Variants in LLGL2 observed in about 807,000 individuals in gnomAD.
LLGL2 encodes LLGL scribble cell polarity complex component 2.
Under a neutral mutation model 123.2 loss-of-function variants are expected in LLGL2, and 81 were observed. The ratio of observed to expected loss-of-function variants is 0.66; its 90% CI spans 0.55 to 0.79. The LOEUF is 0.79. Ranked by LOEUF, LLGL2 falls within the 30% of genes least tolerant of loss-of-function variation. The pLI is 0.00. For synonymous variants in LLGL2, 577 were observed against 594.1 expected, an observed-to-expected ratio of 0.97 and a Z score of 0.42; for missense variants, 1,273 against 1,414.6, an observed-to-expected ratio of 0.90 and a Z score of 1.61.
chr17:75,547,365 C>G (rs958612364), intron 2 of LLGL2, among the ~76,000 whole-genome samples: 1 of 152,236 alleles, frequency 6.6e-6, no homozygotes, highest in African/African-American at 2.4e-5. Flanking sequence ...GCCACATGAC[C>G]TGGGTCTAGA....
chr17:75,557,599 C>T (rs3851023), intron 3 of LLGL2, among the ~76,000 whole-genome samples: 2 of 152,220 alleles, frequency 1.3e-5, no homozygotes, highest in South Asian at 4.1e-4. Flanking sequence ...CCTCCCTCTT[C>T]CCCTCTGCCC....
intron 2 of LLGL2, 53 bp downstream of exon 2, chr17:75,543,554 C>G: frequency 6.8e-7 from 1 of 1,471,426 alleles, no homozygotes; most frequent in Non-Finnish European, 9.4e-7. Flanking sequence ...CCAAGCAGCT[C>G]AGGCTGGGGC....
chr17:75,530,376 CGCGGT>C (rs917505901), intron 1 of LLGL2, among the ~76,000 whole-genome samples: 6 of 151,960 alleles, frequency 3.9e-5, no homozygotes, highest in African/African-American at 1.4e-4. Context: ...ATCAGCCAGG[CGCGGT>C]GTCTCACGCC....
At chr17:75,529,203 T>C (rs546230591) in intron 1 of LLGL2, among the ~76,000 whole-genome samples, 1 of 150,626 alleles carries the variant, frequency 6.6e-6, no homozygotes, top group Non-Finnish European at 1.5e-5. Context: ...AGTCCTTTTC[T>C]TTTTTTTTCT....
chr17:75,571,211 T>G (rs1598634822), intron 17 of LLGL2, 111 bp downstream of exon 17: 1 of 1,066,586 alleles, frequency 9.4e-7, no homozygotes, highest in Non-Finnish European at 1.4e-6. Context: ...AGCTAAGAGG[T>G]TTCCCCTTGT....
rs138074005 is a variant in LLGL2 at position 75,559,364 on chromosome 17, C to T, written c.484C>T (p.Arg162Cys). ...GTTTGTGGTGCAGCTGCCAGCTTTTCGTGCGCTGGAGGACCGGACCATCAG... is the reference window on the plus strand; with the variant it reads ...GTTTGTGGTGCAGCTGCCAGCTTTTTGTGCGCTGGAGGACCGGACCATCAG... ...NVFVVQLPAF[R>C]ALEDRTISSD... The change falls in exon 6 of 26, where the codon CGT (arginine) becomes TGT (cysteine). Residue 162 changes from arginine (R) to cysteine (C), a missense_variant. Arg to Cys is a radical substitution (Grantham distance 180). Coordinates refer to ENST00000392550, the MANE Select transcript of LLGL2 (RefSeq NM_001031803.2). The surrounding 1 kb of genome is among the most constrained non-coding windows in gnomAD (Gnocchi z 4.6). 1.9e-5 allele frequency: 31 copies of T among 1,613,236 alleles called. No homozygotes were observed. Among genetic ancestry groups the T allele is most frequent in the Non-Finnish European group, 2.5e-5 (29 of 1,179,942 alleles).
chr17:75,552,148 T>G (rs2054704477), intron 2 of LLGL2, among the ~76,000 whole-genome samples: 1 of 151,930 alleles, frequency 6.6e-6, no homozygotes, highest in African/African-American at 2.4e-5. Flanking sequence ...GTCTAGAAGC[T>G]GCATTATGAA....
At chr17:75,536,452 C>T (rs560032005) in intron 1 of LLGL2, among the ~76,000 whole-genome samples, 6 of 152,218 alleles carry the variant, frequency 3.9e-5, no homozygotes, top group Non-Finnish European at 8.8e-5. Context: ...CACAGCTAGT[C>T]CCACCTGCCT....
intron 1 of LLGL2, among the ~76,000 whole-genome samples, chr17:75,527,844 A>G (rs989928669): frequency 6.9e-6 from 1 of 145,380 alleles, no homozygotes; most frequent in South Asian, 2.2e-4. Context: ...TGGTGCAATC[A>G]CTGGGAGATG....
Position 75,569,527 on chromosome 17 carries a change from G to C in LLGL2, c.1581+202G>C, listed in dbSNP as rs1362572710. 3.3e-5 allele frequency among the ~76,000 whole-genome samples: 5 copies of C among 152,348 alleles called. No homozygotes were observed. In the East Asian group the frequency reaches 9.6e-4, roughly 29 times the overall value. The stretch of plus-strand genomic sequence containing the variant: ...AAATCGGAATTAAGGGCTGGGCCGG[G>C]CACGGTGGCTCATGCCTGTAATCCC... On this transcript the variant is annotated intron_variant, in intron 14 of 25. Transcript: ENST00000392550.
intron 22 of LLGL2, 80 bp downstream of exon 22, chr17:75,574,060 C>T: frequency 7.1e-6 from 11 of 1,550,206 alleles, no homozygotes; most frequent in South Asian, 3.6e-5. Flanking sequence ...GGAAGGGTCC[C>T]GAGTGAGCAG....
chr17:75,530,767 C>T (rs192882349), intron 1 of LLGL2, among the ~76,000 whole-genome samples: 3 of 152,024 alleles, frequency 2.0e-5, no homozygotes, highest in South Asian at 4.1e-4. Context: ...ACTATGATGG[C>T]GCCACTGCAC....
rs2055037868 is a variant in LLGL2 at position 75,558,772 on chromosome 17, GGTGCTCCGA to G, written c.371+149_371+157del. 2.9e-6 allele frequency: 2 copies of G among 688,066 alleles called. No individual in the cohort carries two copies. The highest frequency in any genetic ancestry group is 5.0e-6 in the Non-Finnish European group (2 of 396,316). The allele number at this position is 688,066 out of a possible 1,614,324, so 42.6% of individuals were successfully genotyped here. A position where few individuals can be genotyped will look rare whatever the true frequency, so the allele number is the denominator to read the frequency against. On this transcript the variant is annotated intron_variant, in intron 5 of 25. Transcript: ENST00000392550. This position sits in a 1 kb window ranked among gnomAD's most constrained non-coding sequence, Gnocchi z 4.0. ...TTGGCCCGATGCATCGCCACACTCA[GGTGCTCCGA>G]GTGGAGTGGGCGGGGCTGCAGCCTG...
chr17:75,572,083 C>T lies in LLGL2; in HGVS notation c.2460+19C>T, dbSNP rs762536309. ...GTTCAAGGTGCCACACGGGCAGCGG[C>T]GGGTCTCCCTGGGACTCCCCGGGAC... On this transcript the variant is annotated intron_variant, in intron 19 of 25. Coordinates refer to ENST00000392550, the MANE Select transcript of LLGL2 (RefSeq NM_001031803.2). 5.0e-6 allele frequency: 8 copies of T among 1,603,010 alleles called. No individual in the cohort carries two copies. The highest frequency in any genetic ancestry group is 2.2e-5 in the East Asian group (1 of 44,732).
At chr17:75,570,290 T>C in intron 15 of LLGL2, 35 bp downstream of exon 15, 1 of 1,597,818 alleles carries the variant, frequency 6.3e-7, no homozygotes, top group Non-Finnish European at 8.5e-7. Flanking sequence ...GGGCTGGGAG[T>C]GGGGCCCGCG....
Position 75,554,755 on chromosome 17 carries a change from G to A in LLGL2, c.76-1291G>A, listed in dbSNP as rs535184986. ...ATACAAAAAATTAGCCGGGCGTGGT[G>A]GCGGGCGCCTGTAGTCCCAGCTACT... On this transcript the variant is annotated intron_variant, in intron 2 of 25. Coordinates refer to ENST00000392550, the MANE Select transcript of LLGL2 (RefSeq NM_001031803.2). 3.6e-3 allele frequency among the ~76,000 whole-genome samples: 555 copies of A among 152,196 alleles called. 7 individuals are homozygous for A. The highest frequency in any genetic ancestry group is 0.012 in the African/African-American group (515 of 41,508).
rs757974603 is a variant in LLGL2, at chr17:75,563,113, C to T, written c.628C>T (p.Arg210Ter). 7.4e-6 allele frequency: 12 copies of T among 1,613,060 alleles called. No individual in the cohort carries two copies. The highest frequency in any genetic ancestry group is 6.7e-5 in the Admixed American group (4 of 60,002). Reference sequence around the variant, plus strand: ...CAACCAGATCCTGATCGGCTACAGCCGAGGCCTCGTTGTCATCTGGGACCT... The same window carrying T: ...CAACCAGATCCTGATCGGCTACAGCTGAGGCCTCGTTGTCATCTGGGACCT... ...DPNQILIGYS[R>*]GLVVIWDLQG... The change falls in exon 7 of 26, where the codon CGA (arginine) becomes TGA (stop). Residue 210 changes from arginine (R) to a stop codon, truncating the protein, a stop_gained. Transcript: ENST00000392550. LOFTEE classifies it high-confidence loss of function.
rs114560384 is a variant in LLGL2, at chr17:75,534,678, C to T, written c.-30-8719C>T. The stretch of plus-strand genomic sequence containing the variant: ...AAGTTTTTTGCTGAGACAAGGTCTC[C>T]CTAAGTTGCCCAGGCTGGTCTCGAA... On this transcript the variant is annotated intron_variant, in intron 1 of 25. Coordinates refer to ENST00000392550, the MANE Select transcript of LLGL2 (RefSeq NM_001031803.2). 7.1e-3 allele frequency among the ~76,000 whole-genome samples: 1,086 copies of T among 152,092 alleles called. 11 individuals carry two copies. Among genetic ancestry groups the T allele is most frequent in the African/African-American group, 0.025 (1,029 of 41,482 alleles).
At position 75,570,036 on chromosome 17, in the gene LLGL2, A is replaced by G. The variant is rs553795052; in HGVS notation, c.1655A>G (p.Asp552Gly). 6 of 1,612,642 alleles carry G rather than the reference A, an allele frequency of 3.7e-6. No homozygotes were observed. The African/African-American group carries it at 4.0e-5, about 11-fold the overall frequency. The stretch of plus-strand genomic sequence containing the variant: ...CAGGTGGAGGCCGACCTGCTGCAGG[A>G]CCAAGAGGGCTACCGCTGGAAGGGG... ...VEQVEADLLQ[D>G]QEGYRWKGHE... Residue 552 changes from aspartate to glycine, a missense_variant, in exon 15 of 26, where the codon GAC becomes GGC. Transcript: ENST00000392550.
Sources: gnomAD v4.1 joint callset for allele counts (sites outside exome capture counted in the v4.1 genomes callset) on GRCh38, gnomAD v4.1.1 for gene constraint, Gnocchi (gnomAD v3.1) non-coding constraint, MANE v1.5 for transcripts, NCBI Gene and HGNC (gene_info 2026-07-23, HGNC 2026-07-21) for gene names.